ADGRB3: variants seen among roughly 807,000 people sequenced by gnomAD.
The protein encoded by ADGRB3 is brain-specific angiogenesis inhibitor 3.
In ADGRB3, 37 loss-of-function variants were observed where a neutral mutation model predicts 193.4. The ratio of observed to expected loss-of-function variants is 0.19; its 90% confidence interval spans 0.15 to 0.25. ADGRB3 has a LOEUF of 0.25. Ranked by LOEUF, ADGRB3 falls within the 10% of genes least tolerant of loss-of-function variation. The pLI is 1.00. For synonymous variants in ADGRB3, 690 were observed against 644.2 expected (o/e 1.07, Z -1.08); for missense variants, 1,637 against 1,852.9 (o/e 0.88, Z 2.14).
At chr6:68,995,450 G>C (rs1203178937) in intron 11 of ADGRB3, among the ~76,000 whole-genome samples, 1 of 152,130 alleles carries the variant, frequency 6.6e-6, no homozygotes, top group Admixed American at 6.6e-5. Flanking sequence ...AATGTGACCA[G>C]TTTATATTTA....
chr6:69,073,918 A>G (rs531594399), intron 16 of ADGRB3, among the ~76,000 whole-genome samples: 97 of 152,206 alleles, frequency 6.4e-4, no homozygotes, highest in African/African-American at 2.1e-3. Context: ...CTGACATTCA[A>G]TCAGGTTCTG....
intron 20 of ADGRB3, among the ~76,000 whole-genome samples, chr6:69,322,829 A>G (rs1457910090): frequency 6.6e-6 from 1 of 151,962 alleles, no homozygotes; most frequent in African/African-American, 2.4e-5. Context: ...GGAGCAATTT[A>G]AGGATAAATA....
At chr6:68,824,563 A>T (rs1767807769) in intron 3 of ADGRB3, among the ~76,000 whole-genome samples, 2 of 148,370 alleles carry the variant, frequency 1.3e-5, no homozygotes, top group South Asian at 2.1e-4. Context: ...ATAATATAGC[A>T]CAATATGCAA....
intron 17 of ADGRB3, among the ~76,000 whole-genome samples, chr6:69,084,905 A>C (rs1159214828): frequency 2.0e-5 from 3 of 152,154 alleles, no homozygotes; most frequent in African/African-American, 7.2e-5. Flanking sequence ...TGGGGTATGC[A>C]TGAGTTGTTT....
chr6:68,935,403 C>A (rs1767460166), intron 4 of ADGRB3, among the ~76,000 whole-genome samples: 1 of 152,120 alleles, frequency 6.6e-6, no homozygotes, highest in Non-Finnish European at 1.5e-5. Flanking sequence ...AAACGATGGA[C>A]AAATACATGA....
At chr6:68,971,193 T>G (rs1411717065) in intron 8 of ADGRB3, among the ~76,000 whole-genome samples, 1 of 152,254 alleles carries the variant, frequency 6.6e-6, no homozygotes. Context: ...AAATGACGTC[T>G]GTATTGAACA....
intron 3 of ADGRB3, among the ~76,000 whole-genome samples, chr6:68,889,480 A>G (rs879744497): frequency 2.7e-5 from 4 of 148,212 alleles, no homozygotes; most frequent in Non-Finnish European, 4.4e-5. Flanking sequence ...ATTAAAATAA[A>G]TATTCCTTTT....
intron 3 of ADGRB3, among the ~76,000 whole-genome samples, chr6:68,774,370 A>AT (rs77553495): frequency 0.025 from 3,320 of 130,360 alleles, 53 homozygotes; most frequent in African/African-American, 0.045. Context: ...CACTATGCCT[A>AT]TTTTTTTTTT....
At chr6:69,318,773 A>C (rs916747322) in intron 20 of ADGRB3, among the ~76,000 whole-genome samples, 1 of 150,858 alleles carries the variant, frequency 6.6e-6, no homozygotes, top group Non-Finnish European at 1.5e-5. Context: ...TATTAGTTTT[A>C]TCTCTCATAA....
At chr6:69,014,165 G>T in intron 12 of ADGRB3, 59 bp downstream of exon 12, 1 of 1,230,236 alleles carries the variant, frequency 8.1e-7, no homozygotes, top group South Asian at 1.4e-5. Flanking sequence ...AAAAATATGT[G>T]ACTAAATTAA....
At chr6:68,771,904 G>A (rs1031314561) in intron 3 of ADGRB3, among the ~76,000 whole-genome samples, 3 of 152,030 alleles carry the variant, frequency 2.0e-5, no homozygotes, top group South Asian at 2.1e-4. Flanking sequence ...CAATCAGCCC[G>A]CACAGCATTT....
chr6:68,848,393 A>G (rs1004491849), intron 3 of ADGRB3, among the ~76,000 whole-genome samples: 1 of 152,046 alleles, frequency 6.6e-6, no homozygotes, highest in African/African-American at 2.4e-5. Flanking sequence ...AGAAATGCTA[A>G]CTAAGAAACT....
chr6:69,153,144 G>A (rs1774726860), intron 17 of ADGRB3, among the ~76,000 whole-genome samples: 2 of 151,676 alleles, frequency 1.3e-5, no homozygotes, highest in South Asian at 2.1e-4. Flanking sequence ...CAAAACAATT[G>A]GATTTTTAAT....
chr6:69,330,273 G>T (rs972508261), intron 22 of ADGRB3, among the ~76,000 whole-genome samples: 2 of 152,108 alleles, frequency 1.3e-5, no homozygotes, highest in Non-Finnish European at 2.9e-5. Context: ...CTGCCTGAAA[G>T]TAAAACCTTG....
chr6:69,253,708 T>C (rs1007873564), intron 20 of ADGRB3, among the ~76,000 whole-genome samples: 5 of 152,164 alleles, frequency 3.3e-5, no homozygotes, highest in Non-Finnish European at 7.4e-5. Flanking sequence ...CTCTGTCTTT[T>C]GGATATTTTA....
At chr6:69,365,028 T>C (rs1023932556) in intron 29 of ADGRB3, among the ~76,000 whole-genome samples, 3 of 152,102 alleles carry the variant, frequency 2.0e-5, no homozygotes, top group Non-Finnish European at 4.4e-5. Context: ...TTCTGAATCA[T>C]TGAAACTCTG....
At position 69,372,456 on chromosome 6, in the gene ADGRB3, A is replaced by C; in HGVS notation, c.4275+15A>C. 5 of 1,291,934 alleles carry C rather than the reference A, an allele frequency of 3.9e-6. No homozygotes were observed. The highest frequency in any genetic ancestry group is 5.3e-6 in the Non-Finnish European group (5 of 942,624). 80.0% of individuals were successfully genotyped at this position (1,291,934 alleles called of 1,614,324 possible). On this transcript the variant is annotated intron_variant, in intron 30 of 31. Coordinates refer to ENST00000370598, the MANE Select transcript of ADGRB3 (RefSeq NM_001704.3). ...TTGACTTTGAGGTAAGTTTATATGA[A>C]TTATTTTAGAATTGTAATTACTTGA...
chr6:69,316,116 C>A (rs1429138999), intron 20 of ADGRB3, among the ~76,000 whole-genome samples: 2 of 150,960 alleles, frequency 1.3e-5, no homozygotes, highest in African/African-American at 4.8e-5. Flanking sequence ...TCTAATACTG[C>A]TTATTTTTAA....
chr6:69,108,994 C>T (rs1409638487), intron 17 of ADGRB3, among the ~76,000 whole-genome samples: 2 of 152,102 alleles, frequency 1.3e-5, no homozygotes, highest in Non-Finnish European at 2.9e-5. Context: ...CAAGGCTGCA[C>T]CAACACCCTA....
Sources: gnomAD v4.1 joint callset for allele counts (sites outside exome capture counted in the v4.1 genomes callset) on GRCh38, gnomAD v4.1.1 for gene constraint, MANE v1.5 for transcripts, NCBI Gene and HGNC (gene_info 2026-07-23, HGNC 2026-07-21) for gene names.